Variants in COL5A1 observed in about 807,000 individuals in gnomAD.
COL5A1 encodes the protein collagen type V alpha 1 chain.
A neutral mutation model predicts 263.7 loss-of-function variants in COL5A1; 16 were observed. The ratio of observed to expected loss-of-function variants is 0.06; its 90% CI spans 0.04 to 0.09. The LOEUF (loss-of-function observed/expected upper bound fraction) is 0.09, where lower values mean the gene tolerates loss of function less well. Ranked by LOEUF, COL5A1 falls within the 10% of genes least tolerant of loss-of-function variation. The pLI is 1.00. For missense variants in COL5A1, 2,036 were observed against 2,540.5 expected (o/e 0.80, Z 4.27); for synonymous variants, 1,012 against 1,004.5 (o/e 1.01, Z -0.14).
chr9:134,796,959 T>C, intron 36 of COL5A1, 58 bp downstream of exon 36: 1 of 1,431,630 alleles, frequency 7.0e-7, no homozygotes, highest in Non-Finnish European at 9.6e-7. Flanking sequence ...AACCCACCTG[T>C]CCCCTCCAAA....
chr9:134,669,320 CT>C (rs1832468162), intron 1 of COL5A1, among the ~76,000 whole-genome samples: 1 of 124,496 alleles, frequency 8.0e-6, no homozygotes, highest in Non-Finnish European at 1.7e-5. Flanking sequence ...CCCTTCCCTT[CT>C]CCTTCCTTCC....
chr9:134,838,310 C>T (rs1008165688), intron 65 of COL5A1, among the ~76,000 whole-genome samples: 2 of 152,140 alleles, frequency 1.3e-5, no homozygotes, highest in Non-Finnish European at 2.9e-5. Flanking sequence ...GCAAAATCTC[C>T]CCCATGGAGA....
chr9:134,770,823 G>A (rs1020712363), intron 25 of COL5A1, among the ~76,000 whole-genome samples: 5 of 152,230 alleles, frequency 3.3e-5, no homozygotes, highest in East Asian at 1.9e-4. Flanking sequence ...GGCCCTGCCC[G>A]GCTTTGCAGG....
At chr9:134,769,792 T>C in intron 25 of COL5A1, among the ~76,000 whole-genome samples, 1 of 151,224 alleles carries the variant, frequency 6.6e-6, no homozygotes, top group East Asian at 1.9e-4. Flanking sequence ...GAAGGGGGCC[T>C]GGGTGTGAAG....
In COL5A1 at chr9:134,678,750, C is replaced by A. The variant is rs1002453278; in HGVS notation, c.110-12162C>A. ...CGCAGTGCAGACAAAATGAAACTGGCCCTCGCTGGAGGAACGGGTGGGCCG... is the reference window on the plus strand; with the variant it reads ...CGCAGTGCAGACAAAATGAAACTGGACCTCGCTGGAGGAACGGGTGGGCCG... On this transcript the variant is annotated intron_variant, in intron 1 of 65. Transcript: ENST00000371817. The surrounding 1 kb of genome is among the most constrained non-coding windows in gnomAD (Gnocchi z 5.5). 6.6e-5 allele frequency among the ~76,000 whole-genome samples: 10 copies of A among 152,238 alleles called. No individual in the cohort carries two copies. Among genetic ancestry groups the A allele is most frequent in the African/African-American group, 2.2e-4 (9 of 41,462 alleles).
At chr9:134,753,987 C>T (rs1835886054) in intron 15 of COL5A1, 84 bp downstream of exon 15, 1 of 1,206,122 alleles carries the variant, frequency 8.3e-7, no homozygotes, top group Non-Finnish European at 1.2e-6. Flanking sequence ...GGGACCCCAA[C>T]TGCTGCATGT....
intron 24 of COL5A1, among the ~76,000 whole-genome samples, chr9:134,767,948 G>C (rs1199922988): frequency 6.6e-6 from 1 of 152,230 alleles, no homozygotes; most frequent in Admixed American, 6.5e-5. Flanking sequence ...CTGCTGCCAG[G>C]CCTGGGACCT....
intron 1 of COL5A1, among the ~76,000 whole-genome samples, chr9:134,690,530 C>A (rs1388848073): frequency 6.6e-6 from 1 of 152,204 alleles, no homozygotes; most frequent in Admixed American, 6.5e-5. Flanking sequence ...GAAGAGGTGT[C>A]TGGGAGGCTG....
intron 7 of COL5A1, among the ~76,000 whole-genome samples, chr9:134,730,797 G>T (rs1333957069): frequency 1.3e-5 from 2 of 152,250 alleles, no homozygotes; most frequent in South Asian, 2.1e-4. Flanking sequence ...GATGAGGAGG[G>T]GGGTGGCTTG....
intron 4 of COL5A1, among the ~76,000 whole-genome samples, chr9:134,722,140 G>T (rs1313965450): frequency 5.9e-5 from 9 of 152,364 alleles, no homozygotes; most frequent in African/African-American, 2.2e-4. Context: ...GTGGGGAAAT[G>T]ATTCGAACGA....
chr9:134,796,302 G>A (rs1270164398), intron 34 of COL5A1, 72 bp from the exon 35 acceptor site: 35 of 1,530,480 alleles, frequency 2.3e-5, no homozygotes, highest in Admixed American at 6.7e-5. Context: ...TTTTGATGAC[G>A]TTGTGGGCCA....
intron 7 of COL5A1, among the ~76,000 whole-genome samples, chr9:134,730,933 C>T (rs139526294): frequency 0.018 from 2,697 of 152,298 alleles, 90 homozygotes; most frequent in African/African-American, 0.061. Flanking sequence ...TGACTGTCAG[C>T]AGACAGGCCT....
At chr9:134,665,259 A>G (rs1832321868) in intron 1 of COL5A1, among the ~76,000 whole-genome samples, 1 of 152,206 alleles carries the variant, frequency 6.6e-6, no homozygotes, top group Admixed American at 6.5e-5. Context: ...TCCAGTTCCC[A>G]GAATGTTTCC....
intron 19 of COL5A1, among the ~76,000 whole-genome samples, chr9:134,762,487 T>G (rs906674188): frequency 2.0e-5 from 3 of 152,132 alleles, no homozygotes; most frequent in Non-Finnish European, 4.4e-5. Context: ...GAGGGAGCTG[T>G]TCTCCAGCAT....
intron 25 of COL5A1, among the ~76,000 whole-genome samples, chr9:134,770,302 AG>A: frequency 6.6e-6 from 1 of 152,360 alleles, no homozygotes; most frequent in Non-Finnish European, 1.5e-5. Context: ...AAGAGGTATG[AG>A]GCACTTCAGA....
chr9:134,792,430 C>G (rs932470578), intron 32 of COL5A1, among the ~76,000 whole-genome samples: 22 of 152,072 alleles, frequency 1.4e-4, no homozygotes, highest in Non-Finnish European at 2.2e-4. Context: ...GGCTGGAATG[C>G]AGTGGTGCGA....
chr9:134,834,143 C>T (rs1394158067), intron 64 of COL5A1, among the ~76,000 whole-genome samples: 1 of 152,130 alleles, frequency 6.6e-6, no homozygotes, highest in Non-Finnish European at 1.5e-5. Flanking sequence ...GCTCTAAGAC[C>T]TCCTCCTCTC....
At chr9:134,747,129 G>C (rs1406208581) in intron 11 of COL5A1, among the ~76,000 whole-genome samples, 1 of 152,186 alleles carries the variant, frequency 6.6e-6, no homozygotes, top group Non-Finnish European at 1.5e-5. Flanking sequence ...GGGTTCATGG[G>C]GGTGGCGACA....
chr9:134,826,845 G>GGTGTGTGGGT (rs574944731), intron 63 of COL5A1, among the ~76,000 whole-genome samples: 2 of 151,418 alleles, frequency 1.3e-5, no homozygotes, highest in African/African-American at 4.9e-5. Context: ...ATGTGTATAT[G>GGTGTGTGGGT]GTGTGTGGGT....
Sources: gnomAD v4.1 joint callset for allele counts (sites outside exome capture counted in the v4.1 genomes callset) on GRCh38, gnomAD v4.1.1 for gene constraint, Gnocchi (gnomAD v3.1) non-coding constraint, MANE v1.5 for transcripts, NCBI Gene and HGNC (gene_info 2026-07-23, HGNC 2026-07-21) for gene names.